The following TAS2R1 variants were observed in gnomAD, a reference collection of about 807,000 sequenced individuals.
TAS2R1 encodes taste receptor type 2 member 1.
For missense variants in TAS2R1, 370 were observed against 353.4 expected, an observed-to-expected ratio of 1.05 and a Z score of -0.38; for synonymous variants, 141 against 134.2, an observed-to-expected ratio of 1.05 and a Z score of -0.35.
the TAS2R1 span, among the ~76,000 whole-genome samples, chr5:9,745,269 G>C: frequency 6.6e-6 from 1 of 152,120 alleles, no homozygotes; most frequent in Non-Finnish European, 1.5e-5. Flanking sequence ...GGACCACATG[G>C]TGAAAGACAA....
intron 2 of TAS2R1, among the ~76,000 whole-genome samples, chr5:9,650,018 T>A (rs529798134): frequency 1.3e-5 from 2 of 152,210 alleles, no homozygotes; most frequent in South Asian, 4.2e-4. Flanking sequence ...AAAGGGAGAT[T>A]GTTATATAGT....
intron 1 of TAS2R1, among the ~76,000 whole-genome samples, chr5:9,683,638 T>C (rs1223341766): frequency 6.6e-6 from 1 of 152,248 alleles, no homozygotes; most frequent in African/African-American, 2.4e-5. Context: ...GCATTACTAA[T>C]TGATCACAGC....
At chr5:9,696,020 A>T (rs1741348200) in intron 1 of TAS2R1, among the ~76,000 whole-genome samples, 1 of 152,240 alleles carries the variant, frequency 6.6e-6, no homozygotes. Context: ...CAGGCAAGAC[A>T]GAAAATAATA....
At chr5:9,841,439 A>G in the TAS2R1 span, among the ~76,000 whole-genome samples, 4 of 152,168 alleles carry the variant, frequency 2.6e-5, no homozygotes, top group East Asian at 5.8e-4. Flanking sequence ...GATATTTTCT[A>G]CTTTCTTAGT....
chr5:9,700,233 G>C (rs1005051443), intron 1 of TAS2R1, among the ~76,000 whole-genome samples: 1 of 152,084 alleles, frequency 6.6e-6, no homozygotes, highest in African/African-American at 2.4e-5. Context: ...TCCAGCTTAG[G>C]GTTCCTAACA....
intron 1 of TAS2R1, among the ~76,000 whole-genome samples, chr5:9,679,303 A>G (rs961039529): frequency 1.2e-4 from 19 of 152,218 alleles, no homozygotes; most frequent in African/African-American, 4.6e-4. Context: ...ACGCATTTCT[A>G]AAGCCCGTAG....
At chr5:9,804,659 A>C in the TAS2R1 span, among the ~76,000 whole-genome samples, 1 of 152,156 alleles carries the variant, frequency 6.6e-6, no homozygotes, top group African/African-American at 2.4e-5. Context: ...TTTTGACAAT[A>C]AAATCAAGAT....
intron 2 of TAS2R1, among the ~76,000 whole-genome samples, chr5:9,642,545 A>T: frequency 6.6e-6 from 1 of 152,056 alleles, no homozygotes; most frequent in South Asian, 2.1e-4. Context: ...AGATCCATTC[A>T]TTTGCTTCTC....
chr5:9,728,173 T>G, the TAS2R1 span, among the ~76,000 whole-genome samples: 4 of 151,956 alleles, frequency 2.6e-5, no homozygotes, highest in Non-Finnish European at 5.9e-5. Context: ...CCCAATAGAA[T>G]GGGGTCTCAA....
chr5:9,635,582 A>G (rs1261334689), intron 2 of TAS2R1, among the ~76,000 whole-genome samples: 8 of 149,602 alleles, frequency 5.3e-5, no homozygotes, highest in Admixed American at 1.3e-4. Flanking sequence ...GGTTCTGGAC[A>G]TTTTTGTTGT....
intron 1 of TAS2R1, among the ~76,000 whole-genome samples, chr5:9,676,763 TATTAAA>T (rs1356001107): frequency 6.6e-6 from 1 of 152,156 alleles, no homozygotes; most frequent in African/African-American, 2.4e-5. Context: ...AATTAGACTT[TATTAAA>T]ATTTAAAATA....
the TAS2R1 span, among the ~76,000 whole-genome samples, chr5:9,769,039 CCCATTAACTAG>C: frequency 3.0e-4 from 45 of 152,232 alleles, no homozygotes; most frequent in East Asian, 7.5e-3. Flanking sequence ...TATTTTTGTA[CCCATTAACTAG>C]CTCCACTTCC....
At chr5:9,873,993 A>G in the TAS2R1 span, among the ~76,000 whole-genome samples, 2 of 145,288 alleles carry the variant, frequency 1.4e-5, no homozygotes, top group South Asian at 2.2e-4. Flanking sequence ...AAAGAGAGAG[A>G]GGAAGGAAGA....
intron 2 of TAS2R1, among the ~76,000 whole-genome samples, chr5:9,656,544 C>T (rs893162222): frequency 6.6e-6 from 1 of 152,162 alleles, no homozygotes; most frequent in Non-Finnish European, 1.5e-5. Flanking sequence ...AAAAATAATT[C>T]TTTCTTGCTC....
chr5:9,666,676 C>A (rs1198946023), intron 1 of TAS2R1, among the ~76,000 whole-genome samples: 1 of 151,872 alleles, frequency 6.6e-6, no homozygotes, highest in Non-Finnish European at 1.5e-5. Flanking sequence ...AAAACTAGAT[C>A]TGCAGATAAT....
the TAS2R1 span, among the ~76,000 whole-genome samples, chr5:9,871,678 T>A: frequency 6.6e-6 from 1 of 152,334 alleles, no homozygotes; most frequent in African/African-American, 2.4e-5. Flanking sequence ...TCTGAAATTA[T>A]CTCATCTGTC....
At chr5:9,835,070 T>C in the TAS2R1 span, among the ~76,000 whole-genome samples, 5 of 152,194 alleles carry the variant, frequency 3.3e-5, no homozygotes, top group Non-Finnish European at 7.4e-5. Flanking sequence ...AGCTCAGCTT[T>C]CAACATCTGC....
chr5:9,725,556 G>A, the TAS2R1 span, among the ~76,000 whole-genome samples: 5 of 152,302 alleles, frequency 3.3e-5, no homozygotes, highest in South Asian at 2.1e-4. Flanking sequence ...GCCTCCCCAC[G>A]GGGCAGGGCT....
At chr5:9,675,170 A>G (rs1254598248) in intron 1 of TAS2R1, among the ~76,000 whole-genome samples, 3 of 150,182 alleles carry the variant, frequency 2.0e-5, no homozygotes, top group Admixed American at 2.0e-4. Flanking sequence ...GATGAAATAA[A>G]TCAAAGAAGA....
Sources: gnomAD v4.1 joint callset for allele counts (sites outside exome capture counted in the v4.1 genomes callset) on GRCh38, gnomAD v4.1.1 for gene constraint, MANE v1.5 for transcripts, NCBI Gene and HGNC (gene_info 2026-07-23, HGNC 2026-07-21) for gene names.